GLRA2: variants seen among roughly 807,000 people sequenced by gnomAD.
GLRA2 encodes glycine receptor alpha 2, also known as glycine receptor subunit alpha-2.
A neutral mutation model predicts 31.6 loss-of-function variants in GLRA2; 11 were observed. That is an observed-to-expected ratio of 0.35 (90% confidence interval 0.22 to 0.58). The LOEUF is 0.58. Among genes scored for constraint, GLRA2 ranks in the 20% least tolerant of loss-of-function variants. The pLI is 0.84. For missense variants in GLRA2, 212 were observed against 351.8 expected (o/e 0.60, Z 3.18); for synonymous variants, 132 against 134.0 (o/e 0.99, Z 0.10).
chrX:14,477,775 A>G, the GLRA2 span, among the ~76,000 whole-genome samples: 2 of 111,057 alleles, frequency 1.8e-5, no homozygotes, highest in East Asian at 5.7e-4. Context: ...ATGCATTCAG[A>G]TAATGTTATC....
At chrX:14,539,006 TA>T (rs2089364536) in intron 2 of GLRA2, among the ~76,000 whole-genome samples, 1 of 111,453 alleles carries the variant, frequency 9.0e-6, no homozygotes, top group African/African-American at 3.3e-5. Flanking sequence ...TGAATGAACT[TA>T]AATATTTTAT....
intron 8 of GLRA2, among the ~76,000 whole-genome samples, chrX:14,717,928 G>A (rs1417492811): frequency 9.0e-6 from 1 of 111,166 alleles, no homozygotes; most frequent in Non-Finnish European, 1.9e-5. Context: ...ACAGAGGAGA[G>A]ATAGGCTGAT....
intron 2 of GLRA2, among the ~76,000 whole-genome samples, chrX:14,573,651 T>C (rs1366025661): frequency 1.8e-5 from 2 of 109,576 alleles, no homozygotes; most frequent in Non-Finnish European, 3.8e-5. Flanking sequence ...GAGATAACAA[T>C]GGACTCTTAT....
chrX:14,710,979 G>C (rs2091702616), intron 8 of GLRA2, among the ~76,000 whole-genome samples: 1 of 112,431 alleles, frequency 8.9e-6, no homozygotes, highest in South Asian at 3.7e-4. Flanking sequence ...TTCAGTCACA[G>C]AGTTGTTAAA....
chrX:14,606,988 A>C, intron 5 of GLRA2, 143 bp from the exon 6 acceptor site: 1 of 418,176 alleles, frequency 2.4e-6, no homozygotes, highest in Non-Finnish European at 4.2e-6. Context: ...TGATGATTGC[A>C]GCTCTTTTAT....
chrX:14,698,667 G>C (rs914967004), intron 8 of GLRA2, among the ~76,000 whole-genome samples: 4 of 70,674 alleles, frequency 5.7e-5, no homozygotes, highest in Non-Finnish European at 7.1e-5. Flanking sequence ...GACAGAGTGA[G>C]ACTCTATCTA....
chrX:14,694,288 C>T (rs989424341), intron 8 of GLRA2, among the ~76,000 whole-genome samples: 4 of 111,393 alleles, frequency 3.6e-5, no homozygotes, highest in Admixed American at 9.5e-5. Context: ...CAATCTCACT[C>T]CCTGTCATCA....
At chrX:14,721,061 AG>A (rs1325008189) in intron 8 of GLRA2, among the ~76,000 whole-genome samples, 1 of 106,452 alleles carries the variant, frequency 9.4e-6, no homozygotes, top group African/African-American at 3.5e-5. Context: ...TCGAGGCTGC[AG>A]TGAGCTGTGA....
chrX:14,607,586 C>T (rs1020254966), intron 6 of GLRA2, among the ~76,000 whole-genome samples: 4 of 111,478 alleles, frequency 3.6e-5, no homozygotes, highest in African/African-American at 1.3e-4. Context: ...ATTAGTGGTG[C>T]AGAAAACATA....
chrX:14,632,279 C>T (rs2090659135), intron 7 of GLRA2, among the ~76,000 whole-genome samples: 1 of 110,956 alleles, frequency 9.0e-6, no homozygotes, highest in African/African-American at 3.3e-5. Flanking sequence ...GTCCCTGTTA[C>T]TCCATCTTGA....
chrX:14,514,807 T>C, the GLRA2 span, among the ~76,000 whole-genome samples: 1 of 111,598 alleles, frequency 9.0e-6, no homozygotes, highest in Non-Finnish European at 1.9e-5. Context: ...TTTTTCTTTC[T>C]GCTTTATTCC....
intron 7 of GLRA2, among the ~76,000 whole-genome samples, chrX:14,622,953 T>A (rs1186318840): frequency 8.9e-6 from 1 of 112,031 alleles, no homozygotes; most frequent in Non-Finnish European, 1.9e-5. Context: ...ATGGCCATTT[T>A]CACAATATCG....
chrX:14,604,480 C>T (rs2090311201), intron 5 of GLRA2, 83 bp downstream of exon 5: 1 of 582,288 alleles, frequency 1.7e-6, no homozygotes. Context: ...AGAGAAAGGA[C>T]CCTTACAACT....
Position 14,679,290 on chromosome X carries a change from G to C in GLRA2, c.931-11420G>C, listed in dbSNP as rs2091175005. ...AAGATCAGATGATTCAGAGATGTTG[G>C]AGAGCCTAGAAGAGAACCAACCTAT... On this transcript the variant is annotated intron_variant, in intron 7 of 8. Coordinates refer to ENST00000218075, the MANE Select transcript of GLRA2 (RefSeq NM_002063.4). Among the ~76,000 whole-genome samples, 4 of 110,746 alleles carry C rather than the reference G, an allele frequency of 3.6e-5. No individual in the cohort carries two copies. In the South Asian group the frequency reaches 1.6e-3, roughly 43 times the overall value.
intron 2 of GLRA2, among the ~76,000 whole-genome samples, chrX:14,545,440 TGACC>T (rs2089466244): frequency 9.0e-6 from 1 of 111,349 alleles, no homozygotes; most frequent in Non-Finnish European, 1.9e-5. Flanking sequence ...ACAGCCCTCA[TGACC>T]TAATCATCTC....
At chrX:14,588,412 G>A (rs1433991369) in intron 4 of GLRA2, among the ~76,000 whole-genome samples, 2 of 111,107 alleles carry the variant, frequency 1.8e-5, no homozygotes, top group African/African-American at 3.3e-5. Context: ...TTTATTTCTG[G>A]GTTCTCTATT....
the GLRA2 span, among the ~76,000 whole-genome samples, chrX:14,487,714 G>C: frequency 9.0e-6 from 1 of 111,695 alleles, no homozygotes; most frequent in African/African-American, 3.3e-5. Flanking sequence ...TGTCCTCCAA[G>C]GTAGGACATA....
chrX:14,612,664 A>T (rs886289476), intron 7 of GLRA2, among the ~76,000 whole-genome samples: 1 of 111,126 alleles, frequency 9.0e-6, no homozygotes, highest in Non-Finnish European at 1.9e-5. Flanking sequence ...ATGAGTTCAT[A>T]TCCTTTGCAG....
chrX:14,682,865 A>G (rs1222184883), intron 7 of GLRA2, among the ~76,000 whole-genome samples: 2 of 110,790 alleles, frequency 1.8e-5, no homozygotes, highest in Non-Finnish European at 3.8e-5. Context: ...GCATGTCCCT[A>G]CAAAGGACAT....
Sources: allele counts gnomAD v4.1 joint callset (sites outside exome capture counted in the v4.1 genomes callset), GRCh38; gene constraint gnomAD v4.1.1; transcripts MANE v1.5; gene names NCBI Gene and HGNC (gene_info 2026-07-23, HGNC 2026-07-21).